Variants in MPP4 observed in about 807,000 individuals in gnomAD.
MPP4 encodes MAGUK p55 scaffold protein 4.
Under a neutral mutation model 98.3 loss-of-function variants are expected in MPP4, and 91 were observed. The ratio of observed to expected loss-of-function variants is 0.93; its 90% confidence interval spans 0.78 to 1.10. The LOEUF (loss-of-function observed/expected upper bound fraction) is 1.10. MPP4 is among the 50% of genes least tolerant of loss of function. The probability of loss-of-function intolerance (pLI) is 0.00; values close to 1 mark genes in which losing one functional copy is unlikely to be tolerated. For synonymous variants in MPP4, 261 were observed against 271.8 expected, an observed-to-expected ratio of 0.96 and a Z score of 0.39; for missense variants, 744 against 792.9, an observed-to-expected ratio of 0.94 and a Z score of 0.74.
intron 4 of MPP4, among the ~76,000 whole-genome samples, chr2:201,688,002 A>T (rs146819305): frequency 6.6e-6 from 1 of 152,356 alleles, no homozygotes; most frequent in East Asian, 1.9e-4. Flanking sequence ...ACCTACAGTC[A>T]AATGAAAACA....
intron 10 of MPP4, among the ~76,000 whole-genome samples, 165 bp from the exon 11 acceptor site, chr2:201,675,436 A>G (rs1020728779): frequency 6.6e-6 from 1 of 152,224 alleles, no homozygotes; most frequent in African/African-American, 2.4e-5. Context: ...TTGTCAAATA[A>G]ATTTTCCAAA....
Position 201,669,756 on chromosome 2 carries a change from T to C in MPP4, c.995-6A>G. ...ACCTTCTTCCATAGAAATTGCTGAG[T>C]ACAAGCAAATGATTGAAGCAGGGGG... On this transcript the variant is annotated splice_polypyrimidine_tract_variant and splice_region_variant and intron_variant, in intron 11 of 21. Coordinates refer to ENST00000409474, the MANE Select transcript of MPP4 (RefSeq NM_033066.3). The C allele has an allele frequency of 7.0e-7, 1 of 1,424,996 alleles. No individual in the cohort carries two copies. The highest frequency in any genetic ancestry group is 9.3e-7 in the Non-Finnish European group (1 of 1,073,862). The allele number at this position is 1,424,996 out of a possible 1,614,324, so 88.3% of individuals were successfully genotyped here.
chr2:201,650,157 G>A lies in MPP4; in HGVS notation c.1390C>T (p.Arg464Cys), dbSNP rs373969080. The A allele has an allele frequency of 1.0e-5, 16 of 1,566,988 alleles. No individual in the cohort carries two copies. Among genetic ancestry groups the A allele is most frequent in the Middle Eastern group, 1.7e-4 (1 of 6,024 alleles). Residue 464 changes from arginine (R) to cysteine (C), a missense_variant, in exon 19 of 22, where the codon CGT becomes TGT. Transcript: ENST00000409474. ...TTCATTTCGTAACTCTTTTTAGTAC[G>A]AGTAGTGTCTATCAGAAAAAGGGAA... is the stretch of plus-strand genomic sequence containing the variant. ...HFQSAVPHTT[R>C]TKKSYEMNGR...
intron 1 of MPP4, among the ~76,000 whole-genome samples, chr2:201,697,175 AC>A (rs1435724580): frequency 1.3e-5 from 2 of 152,198 alleles, no homozygotes; most frequent in African/African-American, 2.4e-5. Flanking sequence ...CCTCGCAAGA[AC>A]CCAACCATGC....
intron 3 of MPP4, among the ~76,000 whole-genome samples, chr2:201,690,806 C>A (rs1688995176): frequency 6.6e-6 from 1 of 152,182 alleles, no homozygotes; most frequent in African/African-American, 2.4e-5. Flanking sequence ...TCCCATTCCT[C>A]TCCTAATTCT....
intron 16 of MPP4, among the ~76,000 whole-genome samples, chr2:201,657,760 GGCA>G (rs1687898433): frequency 6.6e-6 from 1 of 151,832 alleles, no homozygotes; most frequent in African/African-American, 2.4e-5. Context: ...GCCAAGTGAT[GGCA>G]GCTGCCCTCT....
chr2:201,690,384 T>C (rs1688977063), intron 3 of MPP4, 105 bp from the exon 4 acceptor site: 3 of 698,254 alleles, frequency 4.3e-6, no homozygotes, highest in South Asian at 1.8e-5. Flanking sequence ...ACTGCACCAA[T>C]GGCTGCACAG....
intron 4 of MPP4, 129 bp from the exon 5 acceptor site, chr2:201,687,500 CT>C (rs1559017997): frequency 1.6e-6 from 1 of 643,558 alleles, no homozygotes; most frequent in Non-Finnish European, 2.6e-6. Context: ...CTGGAGCCTT[CT>C]TTTTCATCTA....
In MPP4 at chr2:201,690,974, C is replaced by A. The variant is rs977498011; in HGVS notation, c.202-695G>T. 1.1e-4 allele frequency among the ~76,000 whole-genome samples: 16 copies of A among 152,308 alleles called. No individual in the cohort carries two copies. The South Asian group carries it at 1.7e-3, about 16-fold the overall frequency. On this transcript the variant is annotated intron_variant, in intron 3 of 21. Transcript: ENST00000409474. Reference sequence around the variant, plus strand: ...TATTTTAGGAATTGAGTTTCTCTTACAGACGAAGAAATAAGGCCCAAGGGG... The same window carrying A: ...TATTTTAGGAATTGAGTTTCTCTTAAAGACGAAGAAATAAGGCCCAAGGGG...
At chr2:201,689,218 A>G (rs999270340) in intron 4 of MPP4, among the ~76,000 whole-genome samples, 2 of 152,092 alleles carry the variant, frequency 1.3e-5, no homozygotes, top group Admixed American at 1.3e-4. Context: ...CTAGCAACTC[A>G]GGAGGCTGAG....
At chr2:201,693,801 C>T in intron 2 of MPP4, 75 bp downstream of exon 2, 6 of 1,552,766 alleles carry the variant, frequency 3.9e-6, no homozygotes, top group Non-Finnish European at 5.3e-6. Flanking sequence ...GTCAGGATTT[C>T]TGCCTATTCA....
intron 12 of MPP4, 92 bp from the exon 13 acceptor site, chr2:201,666,464 T>C (rs1688177783): frequency 4.0e-6 from 4 of 1,006,998 alleles, no homozygotes; most frequent in African/African-American, 3.3e-5. Context: ...CTCATGCCTG[T>C]GATCCCAGCA....
chr2:201,676,307 G>A (rs2105933857), intron 10 of MPP4, among the ~76,000 whole-genome samples: 1 of 152,290 alleles, frequency 6.6e-6, no homozygotes, highest in Middle Eastern at 3.4e-3. Flanking sequence ...AAGCAATGTG[G>A]TGGAGGTTGA....
intron 20 of MPP4, 115 bp from the exon 21 acceptor site, chr2:201,647,940 C>T (rs1687611200): frequency 9.7e-7 from 1 of 1,025,774 alleles, no homozygotes; most frequent in South Asian, 1.8e-5. Flanking sequence ...ACTGTAGCCT[C>T]AGCTTCCCAG....
intron 1 of MPP4, among the ~76,000 whole-genome samples, chr2:201,697,542 T>C (rs894449653): frequency 1.3e-5 from 2 of 152,328 alleles, no homozygotes; most frequent in African/African-American, 4.8e-5. Context: ...GCACTTGGTA[T>C]GTTCAGTTGT....
chr2:201,688,766 C>T (rs1688908740), intron 4 of MPP4, among the ~76,000 whole-genome samples: 2 of 151,978 alleles, frequency 1.3e-5, no homozygotes, highest in Admixed American at 1.3e-4. Context: ...CACCACAACG[C>T]CCAGCTAATT....
intron 13 of MPP4, among the ~76,000 whole-genome samples, chr2:201,664,889 A>G (rs1369874799): frequency 1.3e-5 from 2 of 152,204 alleles, no homozygotes; most frequent in African/African-American, 4.8e-5. Context: ...TTAAAAAAAT[A>G]AAACAAGGCT....
chr2:201,680,954 C>T lies in MPP4; in HGVS notation c.813G>A (p.Gln271=), dbSNP rs571958928. The T allele has an allele frequency of 1.3e-4, 214 of 1,613,942 alleles. 2 individuals are homozygous for T. The South Asian group carries it at 2.3e-3, about 17-fold the overall frequency. ...CCACAATCTGGAGGATGTCCCCCTT[C>T]TGGAAAGGCAATCCAGCGTCCATGC... ...IPCMDAGLPF[Q]KGDILQIVDQ... The change falls in exon 10 of 22, where the codon CAG becomes CAA. Residue 271 remains glutamine (Q), a synonymous_variant. Transcript: ENST00000409474.
At chr2:201,695,098 G>C (rs771508361) in intron 1 of MPP4, among the ~76,000 whole-genome samples, 2 of 152,154 alleles carry the variant, frequency 1.3e-5, no homozygotes, top group African/African-American at 4.8e-5. Flanking sequence ...CAGAGACAGA[G>C]AGAATCCAGG....
Sources: allele counts gnomAD v4.1 joint callset (sites outside exome capture counted in the v4.1 genomes callset), GRCh38; gene constraint gnomAD v4.1.1; transcripts MANE v1.5; gene names NCBI Gene and HGNC (gene_info 2026-07-23, HGNC 2026-07-21).